Variants in RUNX2 observed in about 807,000 individuals in gnomAD.
The protein encoded by RUNX2 is RUNX family transcription factor 2.
Under a neutral mutation model 51.7 loss-of-function variants are expected in RUNX2, and 10 were observed. That is an observed-to-expected ratio of 0.19 (90% CI 0.12 to 0.33). RUNX2 has a LOEUF of 0.33. Ranked by LOEUF, RUNX2 falls within the 10% of genes least tolerant of loss-of-function variation. The pLI, the probability that RUNX2 is intolerant of heterozygous loss-of-function variation, is 1.00. For missense variants in RUNX2, 562 were observed against 691.3 expected, an observed-to-expected ratio of 0.81 and a Z score of 2.10; for synonymous variants, 276 against 273.6, an observed-to-expected ratio of 1.01 and a Z score of -0.09.
At chr6:45,488,472 A>AG (rs1215145174) in intron 5 of RUNX2, among the ~76,000 whole-genome samples, 1 of 152,198 alleles carries the variant, frequency 6.6e-6, no homozygotes, top group Non-Finnish European at 1.5e-5. Context: ...CAACCAGAAA[A>AG]GGGGGAGTCA....
chr6:45,480,312 T>A (rs1490550044), intron 5 of RUNX2, among the ~76,000 whole-genome samples: 1 of 152,188 alleles, frequency 6.6e-6, no homozygotes, highest in Non-Finnish European at 1.5e-5. Context: ...TAGAGAGAAA[T>A]GATTTTTCAA....
intron 7 of RUNX2, among the ~76,000 whole-genome samples, chr6:45,519,509 T>C (rs1230014819): frequency 6.6e-6 from 1 of 152,078 alleles, no homozygotes; most frequent in Non-Finnish European, 1.5e-5. Context: ...TTCATTACCC[T>C]AAAAATCCCC....
intron 2 of RUNX2, among the ~76,000 whole-genome samples, chr6:45,338,801 G>A (rs751540837): frequency 6.6e-6 from 1 of 152,056 alleles, no homozygotes; most frequent in African/African-American, 2.4e-5. Flanking sequence ...TTCTCTGGAT[G>A]AGACAAGGGA....
chr6:45,367,441 CCAT>C, intron 2 of RUNX2, among the ~76,000 whole-genome samples: 1 of 151,536 alleles, frequency 6.6e-6, no homozygotes, highest in East Asian at 1.9e-4. Flanking sequence ...AGAAACATAA[CCAT>C]TTGAGACTCG....
intron 2 of RUNX2, among the ~76,000 whole-genome samples, chr6:45,360,669 A>G (rs571558386): frequency 6.6e-6 from 1 of 152,338 alleles, no homozygotes; most frequent in African/African-American, 2.4e-5. Flanking sequence ...CAATGAATAA[A>G]TGGTCATTGC....
chr6:45,433,714 A>G (rs1798606074), intron 4 of RUNX2, among the ~76,000 whole-genome samples: 1 of 152,206 alleles, frequency 6.6e-6, no homozygotes, highest in Admixed American at 6.5e-5. Context: ...AAAGAGAAAC[A>G]AAGGGTGTGC....
rs986760147 is a variant in RUNX2, at chr6:45,334,865, T to A, written c.58+6081T>A. On this transcript the variant is annotated intron_variant, in intron 2 of 8. Coordinates refer to ENST00000647337, the MANE Select transcript of RUNX2 (RefSeq NM_001024630.4). ...AACAAATGTCAATCTATAAAACCAG[T>A]AACAGGGATTAGGCATCTACTAGGA... Among the ~76,000 whole-genome samples, 12 of 151,234 alleles carry A rather than the reference T, an allele frequency of 7.9e-5. No homozygotes were observed. The East Asian group carries it at 2.3e-3, about 29-fold the overall frequency.
At chr6:45,351,857 A>G (rs1212911458) in intron 2 of RUNX2, among the ~76,000 whole-genome samples, 1 of 152,150 alleles carries the variant, frequency 6.6e-6, no homozygotes, top group Admixed American at 6.5e-5. Flanking sequence ...GAGCACTTTG[A>G]AAAAGAGTAA....
At chr6:45,424,987 A>G (rs988660056) in intron 3 of RUNX2, among the ~76,000 whole-genome samples, 4 of 152,170 alleles carry the variant, frequency 2.6e-5, no homozygotes, top group Non-Finnish European at 5.9e-5. Flanking sequence ...AAGGGCCCAG[A>G]ATTTTTAAAT....
At chr6:45,485,697 GTATA>G (rs10677574) in intron 5 of RUNX2, among the ~76,000 whole-genome samples, 8 of 104,004 alleles carry the variant, frequency 7.7e-5, no homozygotes, top group African/African-American at 7.6e-5. Flanking sequence ...GTGTGTGTGT[GTATA>G]TATATATATA....
chr6:45,449,416 G>A (rs1277959318), intron 5 of RUNX2, among the ~76,000 whole-genome samples: 1 of 152,178 alleles, frequency 6.6e-6, no homozygotes, highest in Admixed American at 6.5e-5. Flanking sequence ...CTCTGAGGGA[G>A]GCGTTATGCA....
chr6:45,362,831 T>C lies in RUNX2; in HGVS notation c.58+34047T>C, dbSNP rs187414497. Among the ~76,000 whole-genome samples the C allele has an allele frequency of 5.7e-3, 832 of 147,032 alleles. 4 individuals are homozygous for C. The highest frequency in any genetic ancestry group is 9.7e-3 in the Non-Finnish European group (656 of 67,682). On this transcript the variant is annotated intron_variant, in intron 2 of 8. Coordinates refer to ENST00000647337, the MANE Select transcript of RUNX2 (RefSeq NM_001024630.4). ...ATAAGAAAGTGCTGAATTTAGCCTT[T>C]ATTTTTTCTCAGTTTTTTTAAAATG... is the stretch of plus-strand genomic sequence containing the variant.
chr6:45,402,690 G>A (rs898970082), intron 2 of RUNX2, among the ~76,000 whole-genome samples: 23 of 152,054 alleles, frequency 1.5e-4, no homozygotes, highest in African/African-American at 5.3e-4. Context: ...TACATAGAGA[G>A]CCTCTGTTTC....
intron 2 of RUNX2, among the ~76,000 whole-genome samples, chr6:45,353,458 C>T (rs949626509): frequency 3.3e-5 from 5 of 151,730 alleles, no homozygotes; most frequent in African/African-American, 9.7e-5. Context: ...GACTACTCAA[C>T]GGAACAAAGC....
In RUNX2 at chr6:45,543,161, T is replaced by G. The variant is rs562184326; in HGVS notation, c.1022-2056T>G. Among the ~76,000 whole-genome samples the G allele has an allele frequency of 1.4e-4, 21 of 152,304 alleles. 1 individual carries two copies. In the South Asian group the frequency reaches 4.2e-3, roughly 30 times the overall value. ...GTATAGTGTATTATTTTCCCCAAGTTGAGTAAAACCAACCCATCAGGAAAA... is the reference window on the plus strand; with the variant it reads ...GTATAGTGTATTATTTTCCCCAAGTGGAGTAAAACCAACCCATCAGGAAAA... On this transcript the variant is annotated intron_variant, in intron 7 of 8. Coordinates refer to ENST00000647337, the MANE Select transcript of RUNX2 (RefSeq NM_001024630.4).
intron 2 of RUNX2, among the ~76,000 whole-genome samples, chr6:45,362,453 A>C (rs957264171): frequency 6.6e-6 from 1 of 152,224 alleles, no homozygotes; most frequent in African/African-American, 2.4e-5. Flanking sequence ...ACATAGCAGA[A>C]TAAGTCCACA....
chr6:45,418,195 T>A (rs943540651), intron 2 of RUNX2, among the ~76,000 whole-genome samples: 1 of 152,138 alleles, frequency 6.6e-6, no homozygotes, highest in Non-Finnish European at 1.5e-5. Flanking sequence ...AAATAATGTA[T>A]GGGGGTTAGA....
intron 2 of RUNX2, among the ~76,000 whole-genome samples, chr6:45,332,954 G>A (rs113692157): frequency 0.02 from 3,082 of 151,652 alleles, 42 homozygotes; most frequent in Non-Finnish European, 0.032. Context: ...ACTGAAGATA[G>A]ATAAAATTCT....
intron 2 of RUNX2, among the ~76,000 whole-genome samples, chr6:45,369,701 C>T (rs1795727970): frequency 6.6e-6 from 1 of 152,098 alleles, no homozygotes; most frequent in Admixed American, 6.6e-5. Flanking sequence ...CTACTACAGG[C>T]CAAACACCGT....
Sources: gnomAD v4.1 joint callset for allele counts (sites outside exome capture counted in the v4.1 genomes callset) on GRCh38, gnomAD v4.1.1 for gene constraint, MANE v1.5 for transcripts, NCBI Gene and HGNC (gene_info 2026-07-23, HGNC 2026-07-21) for gene names.